CCDC93: variants seen among roughly 807,000 people sequenced by gnomAD.
CCDC93 encodes the protein CCC complex scaffolding subunit CCDC93.
A neutral mutation model predicts 108.2 loss-of-function variants in CCDC93; 61 were observed. That is an observed-to-expected ratio of 0.56 (90% CI 0.46 to 0.70). The LOEUF is 0.70. Among genes scored for constraint, CCDC93 ranks in the 30% least tolerant of loss-of-function variants. The pLI, the probability that CCDC93 is intolerant of heterozygous loss-of-function variation, is 0.00. For synonymous variants in CCDC93, 276 were observed against 260.4 expected (o/e 1.06, Z -0.58); for missense variants, 685 against 764.2 (o/e 0.90, Z 1.22).
chr2:117,920,603 T>C (rs1191478700), intron 23 of CCDC93, among the ~76,000 whole-genome samples: 2 of 152,222 alleles, frequency 1.3e-5, no homozygotes, highest in Non-Finnish European at 2.9e-5. Flanking sequence ...GCTCCATTTC[T>C]GGGCTGTCAG....
chr2:118,004,234 G>A (rs1337350199), intron 3 of CCDC93, among the ~76,000 whole-genome samples: 1 of 152,206 alleles, frequency 6.6e-6, no homozygotes, highest in East Asian at 1.9e-4. Context: ...ACACATGCAA[G>A]TGCTTGGAAC....
rs548551637 is a variant in CCDC93, at chr2:117,945,977, C to T, written c.1297-395G>A. Among the ~76,000 whole-genome samples, 6 of 152,300 alleles carry T rather than the reference C, an allele frequency of 3.9e-5. No homozygotes were observed. The East Asian group carries it at 7.7e-4, about 20-fold the overall frequency. ...ACAACAGGAGAGGTGGACTGTGCGA[C>T]GATGAGCCTGGGATACCACTGCCTC... On this transcript the variant is annotated intron_variant, in intron 16 of 23. Transcript: ENST00000376300.
chr2:117,986,118 CTGAATTG>C (rs775823095), intron 6 of CCDC93, 49 bp from the exon 7 acceptor site: 1 of 1,079,186 alleles, frequency 9.3e-7, no homozygotes, highest in South Asian at 1.3e-5. Context: ...GGCTCTCCTC[CTGAATTG>C]GCTGCTGGAT....
intron 1 of CCDC93, among the ~76,000 whole-genome samples, chr2:118,009,904 CTTTTT>C (rs780138348): frequency 6.6e-6 from 1 of 150,618 alleles, no homozygotes; most frequent in Non-Finnish European, 1.5e-5. Context: ...CAGTATTTTG[CTTTTT>C]TTTTGTTTTT....
chr2:117,975,072 C>T lies in CCDC93; in HGVS notation c.750+116G>A, dbSNP rs1679891189. 11 of 1,059,876 alleles carry T rather than the reference C, an allele frequency of 1.0e-5. No homozygotes were observed. In the South Asian group the frequency reaches 1.4e-4, roughly 13 times the overall value. 65.7% of individuals were successfully genotyped at this position (1,059,876 alleles called of 1,614,324 possible). A position where few individuals can be genotyped will look rare whatever the true frequency, so the allele number is the denominator to read the frequency against. On this transcript the variant is annotated intron_variant, in intron 9 of 23. Coordinates refer to ENST00000376300, the MANE Select transcript of CCDC93 (RefSeq NM_019044.5). ...GAAACTGGAAGGTGTGAAAGACCTG[C>T]TCACAGCAGCTGGCTGTGGGAGGTG... is the stretch of plus-strand genomic sequence containing the variant.
chr2:117,939,392 C>A (rs144292278), intron 19 of CCDC93, among the ~76,000 whole-genome samples: 2 of 152,128 alleles, frequency 1.3e-5, no homozygotes, highest in Non-Finnish European at 2.9e-5. Context: ...CCTCATCCAG[C>A]CAAAGAACTG....
chr2:117,963,169 A>G (rs1362465675), intron 11 of CCDC93, among the ~76,000 whole-genome samples: 1 of 152,222 alleles, frequency 6.6e-6, no homozygotes, highest in Non-Finnish European at 1.5e-5. Flanking sequence ...AAAGCAGACA[A>G]GAAGTCAAAC....
Position 117,944,050 on chromosome 2 carries a change from T to G in CCDC93, c.1387A>C (p.Lys463Gln). ...TGTAGTAAACGTATCTTGTAAAGTT[T>G]CTCTTTCTCCATATTATACCGTCTG... Reference protein sequence around the residue: ...LDRRYNMEKEKLYKIRLLQAR... With the variant: ...LDRRYNMEKEQLYKIRLLQAR... The change falls in exon 18 of 24, where the codon AAA becomes CAA. Residue 463 changes from lysine to glutamine, a missense_variant. Lys to Gln is a moderately conservative substitution (Grantham distance 53). Transcript: ENST00000376300. The G allele has an allele frequency of 6.2e-7, 1 of 1,606,576 alleles. No homozygotes were observed. Among genetic ancestry groups the G allele is most frequent in the Non-Finnish European group, 8.5e-7 (1 of 1,177,156 alleles).
intron 19 of CCDC93, among the ~76,000 whole-genome samples, chr2:117,939,841 T>C (rs1463512346): frequency 6.6e-6 from 1 of 152,042 alleles, no homozygotes; most frequent in Non-Finnish European, 1.5e-5. Context: ...GTGGGAATTG[T>C]AGGATAATGG....
chr2:117,935,798 G>A (rs75630744), intron 21 of CCDC93: 1 of 392,994 alleles, frequency 2.5e-6, no homozygotes, highest in Non-Finnish European at 4.5e-6. Context: ...ATAATTGCAT[G>A]TTAATCTTTT....
Position 117,958,377 on chromosome 2 carries a change from T to C in CCDC93, c.993A>G (p.Lys331=), listed in dbSNP as rs1416013748. The part of the protein sequence containing the change: ...SLNKQIAQKT[K]HLEELRASHT... ...AGAAAACACTGACCTCTTCAAGATG[T>C]TTGGTCTTTTGCGCAATCTGTTTGT... The change falls in exon 12 of 24, where the codon AAA becomes AAG. Residue 331 remains lysine (K), a synonymous_variant. Transcript: ENST00000376300. The C allele has an allele frequency of 1.3e-6, 2 of 1,597,738 alleles. No homozygotes were observed. The highest frequency in any genetic ancestry group is 1.7e-6 in the Non-Finnish European group (2 of 1,165,162).
intron 17 of CCDC93, chr2:117,944,883 T>C (rs1454355045): frequency 2.4e-5 from 11 of 460,076 alleles, no homozygotes; most frequent in Non-Finnish European, 4.9e-5. Context: ...TTTCCTCCAC[T>C]TCCTTTCCTA....
chr2:117,957,966 A>G (rs1055918188), intron 12 of CCDC93, among the ~76,000 whole-genome samples: 1 of 152,180 alleles, frequency 6.6e-6, no homozygotes, highest in African/African-American at 2.4e-5. Context: ...AAGGATCATA[A>G]CTTGTTCTTC....
intron 18 of CCDC93, among the ~76,000 whole-genome samples, chr2:117,941,732 T>G (rs1678708157): frequency 6.6e-6 from 1 of 152,208 alleles, no homozygotes; most frequent in South Asian, 2.1e-4. Flanking sequence ...CTCATCCTGG[T>G]TAAAAAGCTC....
intron 2 of CCDC93, 152 bp downstream of exon 2, chr2:118,008,393 T>A: frequency 1.7e-6 from 1 of 577,152 alleles, no homozygotes; most frequent in Non-Finnish European, 3.1e-6. Context: ...GAAAAGAAGT[T>A]TGAACACTTC....
Position 117,989,667 on chromosome 2 carries a change from G to A in CCDC93, c.520-3598C>T, listed in dbSNP as rs139531160. ...ACTATACCTCTCTGACTTGAGGCAA[G>A]TTACTTTAACCTCTGTGGTTTTCCA... On this transcript the variant is annotated intron_variant, in intron 6 of 23. Coordinates refer to ENST00000376300, the MANE Select transcript of CCDC93 (RefSeq NM_019044.5). Among the ~76,000 whole-genome samples, 3 of 152,292 alleles carry A rather than the reference G, an allele frequency of 2.0e-5. No homozygotes were observed. In the East Asian group the frequency reaches 5.8e-4, roughly 29 times the overall value.
At chr2:117,996,691 T>G (rs1680663159) in intron 4 of CCDC93, 1 of 189,136 alleles carries the variant, frequency 5.3e-6, no homozygotes, top group Non-Finnish European at 1.1e-5. Context: ...AAATCACAAG[T>G]AGTAGAGTGA....
At position 117,997,120 on chromosome 2, in the gene CCDC93, A is replaced by C. The variant is rs572216739; in HGVS notation, c.364-758T>G. 7.9e-5 allele frequency: 12 copies of C among 152,344 alleles called. No homozygotes were observed. The East Asian group carries it at 2.3e-3, about 29-fold the overall frequency. The allele number at this position is 152,344 out of a possible 1,614,324, so 9.4% of individuals were successfully genotyped here. The stretch of plus-strand genomic sequence containing the variant: ...CACCGAAGACTGGACAAATGGTTTC[A>C]TGAAATGTTTCCCAGCTTTGTTAGG... On this transcript the variant is annotated intron_variant, in intron 4 of 23. Coordinates refer to ENST00000376300, the MANE Select transcript of CCDC93 (RefSeq NM_019044.5).
chr2:117,946,070 T>C (rs185547091), intron 16 of CCDC93, among the ~76,000 whole-genome samples: 2 of 152,206 alleles, frequency 1.3e-5, no homozygotes, highest in East Asian at 3.9e-4. Flanking sequence ...TCGGGTGAAA[T>C]AATGCAACCA....
Sources: gnomAD v4.1 joint callset for allele counts (sites outside exome capture counted in the v4.1 genomes callset) on GRCh38, gnomAD v4.1.1 for gene constraint, MANE v1.5 for transcripts, NCBI Gene and HGNC (gene_info 2026-07-23, HGNC 2026-07-21) for gene names.